CFTR: variants seen among roughly 807,000 people sequenced by gnomAD.
CFTR encodes the protein CF transmembrane conductance regulator.
Under a neutral mutation model 171.6 loss-of-function variants are expected in CFTR, and 181 were observed. The observed-to-expected ratio is 1.05, with a 90% CI of 0.93 to 1.19. The LOEUF is 1.19. CFTR is among the 50% of genes most tolerant of loss of function. The pLI, the probability that CFTR is intolerant of heterozygous loss-of-function variation, is 0.00. For missense variants in CFTR, 1,968 were observed against 1,734.7 expected (o/e 1.13, Z -2.39); for synonymous variants, 583 against 608.0 (o/e 0.96, Z 0.60).
At chr7:117,647,765 C>T (rs1019240090) in intron 23 of CFTR, among the ~76,000 whole-genome samples, 1 of 151,932 alleles carries the variant, frequency 6.6e-6, no homozygotes, top group African/African-American at 2.4e-5. Flanking sequence ...AAGTGATCCT[C>T]CCACCTTGGC....
In CFTR at chr7:117,592,369, AAG is replaced by A; in HGVS notation, c.2203_2204del (p.Arg735AlafsTer8). On this transcript the variant is annotated frameshift_variant, in exon 14 of 27. Transcript: ENST00000003084. LOFTEE classifies it high-confidence loss of function. ...EEDSDEPLERRLSLVPDSEQG... is the reference protein window; with the variant it reads ...EEDSDEPLERXLSLVPDSEQG... ...AGGATTCTGATGAGCCTTTAGAGAG[AAG>A]GCTGTCCTTAGTACCAGATTCTGAG... 6.2e-7 allele frequency: 1 copy of A among 1,614,164 alleles called. No homozygotes were observed. Among genetic ancestry groups the A allele is most frequent in the East Asian group, 2.2e-5 (1 of 44,888 alleles).
intron 24 of CFTR, among the ~76,000 whole-genome samples, chr7:117,656,495 T>G (rs1377486120): frequency 1.3e-5 from 2 of 152,180 alleles, no homozygotes; most frequent in Admixed American, 1.3e-4. Flanking sequence ...GAATAAAATT[T>G]TCTAAATAAC....
chr7:117,630,481 G>C, intron 22 of CFTR, among the ~76,000 whole-genome samples: 1 of 152,108 alleles, frequency 6.6e-6, no homozygotes, highest in Non-Finnish European at 1.5e-5. Flanking sequence ...CACATGATCC[G>C]GAAAATTTAG....
intron 1 of CFTR, among the ~76,000 whole-genome samples, chr7:117,501,603 C>T (rs1336213335): frequency 5.3e-5 from 8 of 151,072 alleles, no homozygotes; most frequent in South Asian, 2.1e-4. Context: ...AAAAAATAGC[C>T]GGGCATGGTG....
At chr7:117,610,468 T>C in intron 18 of CFTR, 51 bp from the exon 19 acceptor site, 1 of 1,519,766 alleles carries the variant, frequency 6.6e-7, no homozygotes, top group Non-Finnish European at 9.1e-7. Context: ...CTTTGTCCAC[T>C]TTGCAATGTG....
At chr7:117,624,651 G>T (rs1191329191) in intron 21 of CFTR, among the ~76,000 whole-genome samples, 3 of 152,110 alleles carry the variant, frequency 2.0e-5, no homozygotes, top group Non-Finnish European at 2.9e-5. Flanking sequence ...TTTTCTTAGA[G>T]GACCTGGTAT....
intron 1 of CFTR, among the ~76,000 whole-genome samples, chr7:117,493,792 G>A (rs1271525105): frequency 6.6e-6 from 1 of 151,930 alleles, no homozygotes; most frequent in African/African-American, 2.4e-5. Flanking sequence ...AAGAAAAAAG[G>A]GTTAAAATGC....
rs116991298 is a variant in CFTR, at chr7:117,531,730, T to A, written c.489+616T>A. Reference sequence around the variant, plus strand: ...GAGGCATCATTTAGGTGAATTCTAATTAACATTTAGCTACCTTACAACCAC... The same window carrying A: ...GAGGCATCATTTAGGTGAATTCTAAATAACATTTAGCTACCTTACAACCAC... On this transcript the variant is annotated intron_variant, in intron 4 of 26. Coordinates refer to ENST00000003084, the MANE Select transcript of CFTR (RefSeq NM_000492.4). 4.5e-3 allele frequency among the ~76,000 whole-genome samples: 691 copies of A among 152,286 alleles called. 4 individuals carry two copies. The highest frequency in any genetic ancestry group is 7.9e-3 in the Non-Finnish European group (535 of 68,018).
In CFTR at chr7:117,488,170, G is replaced by A. The variant is rs938238353; in HGVS notation, c.53+8023G>A. Among the ~76,000 whole-genome samples the A allele has an allele frequency of 1.2e-4, 18 of 152,038 alleles. 1 individual carries two copies. The highest frequency in any genetic ancestry group is 2.0e-4 in the Admixed American group (3 of 15,250). On this transcript the variant is annotated intron_variant, in intron 1 of 26. Coordinates refer to ENST00000003084, the MANE Select transcript of CFTR (RefSeq NM_000492.4). ...CATAAGTCTCTGCAATAGACAATATGCAAACAAATAAGCATGGCTGTGTTT... is the reference window on the plus strand; with the variant it reads ...CATAAGTCTCTGCAATAGACAATATACAAACAAATAAGCATGGCTGTGTTT...
At position 117,664,794 on chromosome 7, in the gene CFTR, C is replaced by T; in HGVS notation, c.4070C>T (p.Ala1357Val). ...SHGHKQLMCL[A>V]RSVLSKAKIL... Reference sequence around the variant, plus strand: ...GGCCACAAGCAGTTGATGTGCTTGGCTAGATCTGTTCTCAGTAAGGCGAAG... The same window carrying T: ...GGCCACAAGCAGTTGATGTGCTTGGTTAGATCTGTTCTCAGTAAGGCGAAG... The change falls in exon 25 of 27, where the codon GCT (alanine) becomes GTT (valine). Residue 1357 changes from alanine to valine, a missense_variant. By Grantham distance (64) the Ala-to-Val change is moderately conservative (BLOSUM62 0). Coordinates refer to ENST00000003084, the MANE Select transcript of CFTR (RefSeq NM_000492.4). The T allele has an allele frequency of 6.2e-7, 1 of 1,614,014 alleles. No homozygotes were observed. The highest frequency in any genetic ancestry group is 8.5e-7 in the Non-Finnish European group (1 of 1,179,908).
intron 1 of CFTR, among the ~76,000 whole-genome samples, chr7:117,496,872 T>G (rs754538840): frequency 1.4e-4 from 22 of 152,172 alleles, no homozygotes; most frequent in Admixed American, 3.9e-4. Flanking sequence ...GCCATCCTAC[T>G]GGGCATGAAG....
At chr7:117,649,373 C>T (rs1229416679) in intron 23 of CFTR, among the ~76,000 whole-genome samples, 1 of 145,178 alleles carries the variant, frequency 6.9e-6, no homozygotes, top group Non-Finnish European at 1.5e-5. Context: ...TATATATATA[C>T]ATGTATATCT....
Position 117,594,949 on chromosome 7 carries a change from T to C in CFTR, c.2510T>C (p.Met837Thr), listed in dbSNP as rs752086705. The C allele has an allele frequency of 1.2e-6, 2 of 1,613,094 alleles. No homozygotes were observed. Among genetic ancestry groups the C allele is most frequent in the Admixed American group, 1.7e-5 (1 of 59,990 alleles). ...ATTCAGGAGTGCTTTTTTGATGATA[T>C]GGAGAGCATACCAGCAGTGACTACA... is the stretch of plus-strand genomic sequence containing the variant. ...EDLKECFFDD[M>T]ESIPAVTTWN... is the part of the protein sequence containing the mutation. The change falls in exon 15 of 27, where the codon ATG (methionine) becomes ACG (threonine). Residue 837 changes from methionine to threonine, a missense_variant. Transcript: ENST00000003084.
intron 11 of CFTR, among the ~76,000 whole-genome samples, chr7:117,574,809 C>CT (rs1316611935): frequency 6.6e-6 from 1 of 152,042 alleles, no homozygotes; most frequent in Non-Finnish European, 1.5e-5. Context: ...TATTTAGTAG[C>CT]TTTTTTGTGT....
At position 117,663,155 on chromosome 7, in the gene CFTR, TTTTG is replaced by T. The variant is rs1361454840; in HGVS notation, c.3964-1529_3964-1526del. Among the ~76,000 whole-genome samples the T allele has an allele frequency of 3.3e-5, 5 of 152,168 alleles. No individual in the cohort carries two copies. In the South Asian group the frequency reaches 8.3e-4, roughly 25 times the overall value. ...GGAGAACCCAGAAACAAGGGAGGGA[TTTTG>T]TTTTTGTTTTTTAAAAAAGATAGAC... On this transcript the variant is annotated intron_variant, in intron 24 of 26. Coordinates refer to ENST00000003084, the MANE Select transcript of CFTR (RefSeq NM_000492.4).
chr7:117,649,370 A>G (rs767749981), intron 23 of CFTR, among the ~76,000 whole-genome samples: 8 of 149,984 alleles, frequency 5.3e-5, no homozygotes, highest in Non-Finnish European at 1.2e-4. Context: ...AGATATATAT[A>G]TACATGTATA....
At chr7:117,586,085 C>T (rs1791929342) in intron 11 of CFTR, 2 of 152,162 alleles carry the variant, frequency 1.3e-5, no homozygotes, top group South Asian at 2.1e-4. Context: ...GCATGAACAC[C>T]TCTAAATTAC....
At chr7:117,636,707 C>A in intron 22 of CFTR, among the ~76,000 whole-genome samples, 1 of 151,992 alleles carries the variant, frequency 6.6e-6, no homozygotes, top group Non-Finnish European at 1.5e-5. Context: ...ATTTTTATTA[C>A]AGAATTTTTG....
chr7:117,551,669 A>G (rs1266422291), intron 10 of CFTR, among the ~76,000 whole-genome samples: 1 of 152,208 alleles, frequency 6.6e-6, no homozygotes, highest in Non-Finnish European at 1.5e-5. Flanking sequence ...TAGTTGTTCT[A>G]GTCTACATTA....
Sources: gnomAD v4.1 joint callset for allele counts (sites outside exome capture counted in the v4.1 genomes callset) on GRCh38, gnomAD v4.1.1 for gene constraint, MANE v1.5 for transcripts, NCBI Gene and HGNC (gene_info 2026-07-23, HGNC 2026-07-21) for gene names.